The following NUP210L variants were observed in gnomAD, a reference collection of about 807,000 sequenced individuals.
NUP210L encodes the protein nuclear pore membrane glycoprotein 210-like.
A neutral mutation model predicts 208.5 loss-of-function variants in NUP210L; 74 were observed. The observed-to-expected ratio is 0.35, with a 90% CI of 0.29 to 0.43. The LOEUF is 0.43. Among genes scored for constraint, NUP210L ranks in the 20% least tolerant of loss-of-function variants. NUP210L has a pLI of 1.00. For missense variants in NUP210L, 1,843 were observed against 2,289.4 expected (o/e 0.81, Z 3.98); for synonymous variants, 780 against 816.9 (o/e 0.95, Z 0.77).
At chr1:154,128,312 C>T (rs1658083723) in intron 8 of NUP210L, among the ~76,000 whole-genome samples, 5 of 151,148 alleles carry the variant, frequency 3.3e-5, no homozygotes, top group Non-Finnish European at 5.9e-5. Context: ...ACGGCAAGAT[C>T]CCATCTCTAC....
chr1:154,095,408 G>A (rs527810295), intron 14 of NUP210L, among the ~76,000 whole-genome samples: 35 of 152,200 alleles, frequency 2.3e-4, no homozygotes, highest in Middle Eastern at 3.4e-3. Context: ...CACCACTTCT[G>A]CATCCTCTAA....
chr1:154,025,740 G>C (rs202028168), intron 29 of NUP210L, 24 bp from the exon 30 acceptor site: 41 of 1,602,788 alleles, frequency 2.6e-5, no homozygotes, highest in Admixed American at 1.9e-4. Context: ...AAAGGAAGTG[G>C]CATCTTTTTG....
At chr1:154,048,922 G>T (rs1653334960) in intron 25 of NUP210L, among the ~76,000 whole-genome samples, 5 of 152,126 alleles carry the variant, frequency 3.3e-5, no homozygotes, top group Admixed American at 3.3e-4. Flanking sequence ...GCTCCTGATT[G>T]TGCTGTATGT....
intron 37 of NUP210L, among the ~76,000 whole-genome samples, chr1:153,996,186 GGA>G (rs1424822624): frequency 6.6e-6 from 1 of 151,970 alleles, no homozygotes; most frequent in Non-Finnish European, 1.5e-5. Flanking sequence ...CAGCTACTTG[GGA>G]GGCTGAGGCA....
chr1:154,096,332 A>G (rs996682253), intron 14 of NUP210L, among the ~76,000 whole-genome samples: 1 of 152,232 alleles, frequency 6.6e-6, no homozygotes, highest in Non-Finnish European at 1.5e-5. Flanking sequence ...CTCTTAAATA[A>G]TGTATATATA....
intron 16 of NUP210L, among the ~76,000 whole-genome samples, chr1:154,076,102 CTTTTTT>C (rs60524355): frequency 2.5e-5 from 3 of 117,920 alleles, no homozygotes; most frequent in South Asian, 2.8e-4. Context: ...ACAAAGACTT[CTTTTTT>C]TTTTTTTTTT....
intron 12 of NUP210L, among the ~76,000 whole-genome samples, chr1:154,112,430 A>G (rs1462578229): frequency 6.6e-6 from 1 of 152,166 alleles, no homozygotes; most frequent in Non-Finnish European, 1.5e-5. Context: ...TAAAATAACT[A>G]AAATAGTATA....
In NUP210L at chr1:154,089,311, T is replaced by C. The variant is rs72694302; in HGVS notation, c.2361+110A>G. On this transcript the variant is annotated intron_variant, in intron 16 of 39. Coordinates refer to ENST00000368559, the Ensembl canonical transcript of NUP210L. Reference sequence around the variant, plus strand: ...AAAAATTAAAAATAGAATTACCATATGATCTGGCAATTCTACTTCTGGATA... The same window carrying C: ...AAAAATTAAAAATAGAATTACCATACGATCTGGCAATTCTACTTCTGGATA... 2.6e-3 allele frequency: 2,203 copies of C among 862,900 alleles called. 7 individuals carry two copies. Among genetic ancestry groups the C allele is most frequent in the Non-Finnish European group, 3.7e-3 (2,016 of 544,306 alleles). 53.5% of individuals were successfully genotyped at this position (862,900 alleles called of 1,614,324 possible). A position where few individuals can be genotyped will look rare whatever the true frequency, so the allele number is the denominator to read the frequency against.
intron 7 of NUP210L, among the ~76,000 whole-genome samples, chr1:154,134,202 G>A (rs1435475497): frequency 1.3e-5 from 2 of 151,126 alleles, no homozygotes; most frequent in African/African-American, 4.9e-5. Context: ...TAACTATACT[G>A]GACAAAATGG....
chr1:154,088,076 G>A (rs772897766), intron 16 of NUP210L, among the ~76,000 whole-genome samples: 3 of 152,146 alleles, frequency 2.0e-5, no homozygotes, highest in Non-Finnish European at 4.4e-5. Flanking sequence ...GGTAGCTCAC[G>A]CCTCTAATCC....
chr1:154,003,345 C>T (rs1388858254), intron 35 of NUP210L, among the ~76,000 whole-genome samples: 2 of 151,762 alleles, frequency 1.3e-5, no homozygotes, highest in African/African-American at 4.8e-5. Flanking sequence ...GTAGCTGGGA[C>T]TACAGGCGCC....
intron 37 of NUP210L, among the ~76,000 whole-genome samples, chr1:153,997,271 T>C (rs1309382618): frequency 6.6e-6 from 1 of 151,840 alleles, no homozygotes; most frequent in Non-Finnish European, 1.5e-5. Flanking sequence ...CCTTTTTTTT[T>C]TTTTTAACAC....
chr1:154,030,983 A>C (rs1652181760), intron 27 of NUP210L, among the ~76,000 whole-genome samples: 1 of 152,146 alleles, frequency 6.6e-6, no homozygotes, highest in African/African-American at 2.4e-5. Context: ...CCTGGGCTCA[A>C]GTGATCCTCC....
intron 16 of NUP210L, among the ~76,000 whole-genome samples, chr1:154,087,690 T>C (rs1655695914): frequency 6.6e-6 from 1 of 152,174 alleles, no homozygotes; most frequent in Admixed American, 6.6e-5. Flanking sequence ...ACAACACATA[T>C]ATCCATCAAC....
chr1:154,085,222 C>T (rs181598329), intron 16 of NUP210L, among the ~76,000 whole-genome samples: 107 of 149,762 alleles, frequency 7.1e-4, no homozygotes, highest in African/African-American at 2.1e-3. Context: ...TGGTAGTGGG[C>T]GCCTGTAGTC....
intron 16 of NUP210L, among the ~76,000 whole-genome samples, chr1:154,077,357 C>G (rs1655090400): frequency 6.6e-6 from 1 of 151,778 alleles, no homozygotes; most frequent in Non-Finnish European, 1.5e-5. Flanking sequence ...CACAGCGATA[C>G]TCTGTCTCAA....
chr1:154,107,655 C>T lies in NUP210L; in HGVS notation c.1621-3445G>A, dbSNP rs1359445411. Among the ~76,000 whole-genome samples the T allele has an allele frequency of 2.0e-5, 3 of 152,010 alleles. No individual in the cohort carries two copies. The East Asian group carries it at 5.8e-4, about 29-fold the overall frequency. The stretch of plus-strand genomic sequence containing the variant: ...CCAAGGTGGGTGGATTACTTGAGGC[C>T]AGGAGTTTGAGACCAGCCTGGCCAA... On this transcript the variant is annotated intron_variant, in intron 12 of 39. Coordinates refer to ENST00000368559, the Ensembl canonical transcript of NUP210L.
At chr1:154,132,722 A>G (rs187141363) in intron 7 of NUP210L, among the ~76,000 whole-genome samples, 1 of 152,004 alleles carries the variant, frequency 6.6e-6, no homozygotes, top group East Asian at 1.9e-4. Context: ...TTGGGGCTCA[A>G]TAAATATTGA....
At chr1:154,083,914 T>C (rs1655490892) in intron 16 of NUP210L, among the ~76,000 whole-genome samples, 1 of 151,982 alleles carries the variant, frequency 6.6e-6, no homozygotes, top group Non-Finnish European at 1.5e-5. Flanking sequence ...TTGTCATGAA[T>C]GGTATGAAAC....
Sources: allele counts gnomAD v4.1 joint callset (sites outside exome capture counted in the v4.1 genomes callset), GRCh38; gene constraint gnomAD v4.1.1; transcripts MANE v1.5; gene names NCBI Gene and HGNC (gene_info 2026-07-23, HGNC 2026-07-21).